The following SCHIP1 variants were observed in gnomAD, a reference collection of about 807,000 sequenced individuals.
SCHIP1 encodes the protein schwannomin-interacting protein 1.
Under a neutral mutation model 29.7 loss-of-function variants are expected in SCHIP1, and 8 were observed. That is an observed-to-expected ratio of 0.27 (90% CI 0.16 to 0.49). The LOEUF (loss-of-function observed/expected upper bound fraction) is 0.49, where lower values mean the gene tolerates loss of function less well. SCHIP1 is among the 20% of genes least tolerant of loss of function. The pLI is 0.99. For synonymous variants in SCHIP1, 76 were observed against 94.9 expected, an observed-to-expected ratio of 0.80 and a Z score of 1.16; for missense variants, 193 against 294.6, an observed-to-expected ratio of 0.66 and a Z score of 2.52.
chr3:159,636,712 G>T, the SCHIP1 span, among the ~76,000 whole-genome samples: 1 of 152,160 alleles, frequency 6.6e-6, no homozygotes, highest in African/African-American at 2.4e-5. Flanking sequence ...AGGGAAATTG[G>T]CATGAAATAA....
chr3:159,828,627 T>G, the SCHIP1 span, among the ~76,000 whole-genome samples: 1 of 151,942 alleles, frequency 6.6e-6, no homozygotes, highest in African/African-American at 2.4e-5. Context: ...AACACAATAG[T>G]CCACTAGAGG....
At chr3:159,856,817 T>G (rs1707244595) in intron 1 of SCHIP1, among the ~76,000 whole-genome samples, 1 of 152,204 alleles carries the variant, frequency 6.6e-6, no homozygotes, top group African/African-American at 2.4e-5. Context: ...CGCCTCATGT[T>G]TTTTTTAAAA....
the SCHIP1 span, among the ~76,000 whole-genome samples, chr3:159,490,933 A>C: frequency 1.3e-5 from 2 of 152,234 alleles, no homozygotes; most frequent in Admixed American, 1.3e-4. Context: ...AACTTTACCA[A>C]GTAAGATCCT....
At chr3:159,700,826 A>AG in the SCHIP1 span, among the ~76,000 whole-genome samples, 184 of 152,074 alleles carry the variant, frequency 1.2e-3, no homozygotes, top group African/African-American at 4.4e-3. Context: ...AAAAAAAAAA[A>AG]AGAGAGATGC....
the SCHIP1 span, chr3:159,764,242 A>T: frequency 5.7e-6 from 3 of 528,402 alleles, no homozygotes; most frequent in Non-Finnish European, 9.7e-6. The surrounding 1 kb of genome is among the most constrained non-coding windows in gnomAD (Gnocchi z 6.1). Context: ...ACCGGCAGGA[A>T]GTCTGGTTGT....
the SCHIP1 span, among the ~76,000 whole-genome samples, chr3:159,615,873 G>GA: frequency 2.4e-4 from 37 of 152,270 alleles, no homozygotes; most frequent in East Asian, 3.3e-3. Flanking sequence ...ACATGTGCTG[G>GA]AAAAATCAAA....
chr3:159,520,105 A>T, the SCHIP1 span, among the ~76,000 whole-genome samples: 13,393 of 150,904 alleles, frequency 0.089, 879 homozygotes, highest in South Asian at 0.32. Flanking sequence ...ATAAAAAAAA[A>T]AAAAAAAAAA....
chr3:159,891,199 G>A (rs1560099002), intron 5 of SCHIP1, among the ~76,000 whole-genome samples: 1 of 152,052 alleles, frequency 6.6e-6, no homozygotes, highest in Non-Finnish European at 1.5e-5. Context: ...GCAAAACCCT[G>A]TCTCTACTAA....
the SCHIP1 span, among the ~76,000 whole-genome samples, chr3:159,585,116 T>C: frequency 6.6e-6 from 1 of 152,058 alleles, no homozygotes; most frequent in Non-Finnish European, 1.5e-5. Flanking sequence ...TCCTGCTTTT[T>C]GTTTTTCTAA....
chr3:159,503,009 T>C, the SCHIP1 span, among the ~76,000 whole-genome samples: 1 of 152,218 alleles, frequency 6.6e-6, no homozygotes, highest in Non-Finnish European at 1.5e-5. Context: ...AGATAAGTGA[T>C]GCCTTCTCTC....
the SCHIP1 span, among the ~76,000 whole-genome samples, chr3:159,640,149 T>C: frequency 1.1e-4 from 16 of 152,288 alleles, no homozygotes; most frequent in East Asian, 3.1e-3. Flanking sequence ...GCCTGTTATA[T>C]TTTAGAGATT....
chr3:159,447,928 AAG>A, the SCHIP1 span, among the ~76,000 whole-genome samples: 1 of 152,168 alleles, frequency 6.6e-6, no homozygotes, highest in Admixed American at 6.6e-5. Context: ...CCCGTCCCTT[AAG>A]GGATGCAGAG....
At chr3:159,311,792 A>G in the SCHIP1 span, among the ~76,000 whole-genome samples, 2 of 152,178 alleles carry the variant, frequency 1.3e-5, no homozygotes, top group African/African-American at 2.4e-5. Flanking sequence ...GATACTCTTC[A>G]TGATCAATCT....
chr3:159,505,448 T>C, the SCHIP1 span, among the ~76,000 whole-genome samples: 2 of 152,174 alleles, frequency 1.3e-5, no homozygotes, highest in African/African-American at 2.4e-5. Context: ...TCAAAACTTA[T>C]TGTTGAGCCA....
At chr3:159,636,202 C>G in the SCHIP1 span, among the ~76,000 whole-genome samples, 2 of 152,298 alleles carry the variant, frequency 1.3e-5, no homozygotes, top group East Asian at 3.9e-4. Context: ...CATGTGCCAC[C>G]ATGCCCGGCT....
intron 6 of SCHIP1, chr3:159,892,474 C>T (rs1372363724): frequency 1.8e-6 from 1 of 570,118 alleles, no homozygotes; most frequent in African/African-American, 1.9e-5. Flanking sequence ...GAGGACTTTA[C>T]CTTGAAGGAC....
At chr3:159,445,095 C>A in the SCHIP1 span, among the ~76,000 whole-genome samples, 9 of 152,064 alleles carry the variant, frequency 5.9e-5, no homozygotes, top group East Asian at 1.7e-3. Context: ...AGGCAACCTA[C>A]AAAATGGGAG....
chr3:159,437,522 C>T, the SCHIP1 span, among the ~76,000 whole-genome samples: 2 of 152,078 alleles, frequency 1.3e-5, no homozygotes, highest in Non-Finnish European at 2.9e-5. Context: ...TGACTTCAAC[C>T]TCCTTACCAC....
the SCHIP1 span, among the ~76,000 whole-genome samples, chr3:159,327,961 C>T: frequency 6.6e-6 from 1 of 152,162 alleles, no homozygotes; most frequent in Non-Finnish European, 1.5e-5. Flanking sequence ...AGCAAAGGTT[C>T]TTGGACTTGG....
Sources: allele counts gnomAD v4.1 joint callset (sites outside exome capture counted in the v4.1 genomes callset), GRCh38; gene constraint gnomAD v4.1.1; non-coding constraint Gnocchi (gnomAD v3.1); transcripts MANE v1.5; gene names NCBI Gene and HGNC (gene_info 2026-07-23, HGNC 2026-07-21).